The following DORIP1 variants were observed in gnomAD, a reference collection of about 807,000 sequenced individuals.
The protein encoded by DORIP1 is dopamine receptor interacting protein 1.
chr14:44,905,503 T>C, the DORIP1 span: 3 of 1,548,032 alleles, frequency 1.9e-6, no homozygotes, highest in Non-Finnish European at 2.6e-6. Context: ...ACCCCCAGAG[T>C]TTCTCCTCTT....
chr14:44,897,973 T>C, the DORIP1 span, among the ~76,000 whole-genome samples: 1 of 152,206 alleles, frequency 6.6e-6, no homozygotes, highest in African/African-American at 2.4e-5. Context: ...GCCTTGGGCA[T>C]GTGGTGGGGT....
chr14:44,899,186 T>C, the DORIP1 span: 3 of 152,236 alleles, frequency 2.0e-5, no homozygotes, highest in Admixed American at 6.5e-5. Flanking sequence ...GTATGTGCGC[T>C]ATATAACATA....
chr14:44,900,322 T>G, the DORIP1 span: 23 of 1,044,216 alleles, frequency 2.2e-5, no homozygotes, highest in Non-Finnish European at 2.9e-5. Context: ...GGAGGCCTAA[T>G]AACCACATTT....
chr14:44,899,151 GT>G, the DORIP1 span: 1 of 152,088 alleles, frequency 6.6e-6, no homozygotes, highest in Non-Finnish European at 1.5e-5. Flanking sequence ...CAATACAATT[GT>G]AAAAAGAACT....
At chr14:44,903,141 T>G in the DORIP1 span, 76 of 1,165,438 alleles carry the variant, frequency 6.5e-5, no homozygotes, top group Non-Finnish European at 8.3e-5. Context: ...GCTGTAAAAT[T>G]TGTTATAATA....
the DORIP1 span, chr14:44,904,345 G>T: frequency 1.9e-6 from 3 of 1,564,890 alleles, no homozygotes; most frequent in African/African-American, 4.1e-5. Flanking sequence ...AGTGTTGAAA[G>T]CCAGCTTTGT....
chr14:44,900,915 C>G, the DORIP1 span: 1 of 1,609,110 alleles, frequency 6.2e-7, no homozygotes, highest in Non-Finnish European at 8.5e-7. Flanking sequence ...ACTGGCGATG[C>G]CCAACTCGAG....
chr14:44,903,291 G>C, the DORIP1 span: 1 of 1,610,766 alleles, frequency 6.2e-7, no homozygotes, highest in Non-Finnish European at 8.5e-7. Flanking sequence ...TGTGTGAAGA[G>C]CATGGGTGAG....
chr14:44,905,316 A>G, the DORIP1 span: 24 of 1,217,026 alleles, frequency 2.0e-5, no homozygotes, highest in Non-Finnish European at 2.7e-5. Flanking sequence ...AGGAATGTTT[A>G]TCTTAACAAA....
At chr14:44,899,238 T>TA in the DORIP1 span, 3 of 152,212 alleles carry the variant, frequency 2.0e-5, no homozygotes, top group Admixed American at 1.3e-4. Context: ...ACTGTGGCTT[T>TA]AAAAACAAAG....
chr14:44,905,290 C>T, the DORIP1 span: 5 of 971,112 alleles, frequency 5.1e-6, no homozygotes, highest in African/African-American at 1.7e-5. Flanking sequence ...GTTTTTATTC[C>T]TTAGTTATGA....
chr14:44,905,241 G>C, the DORIP1 span: 1 of 568,666 alleles, frequency 1.8e-6, no homozygotes, highest in Non-Finnish European at 2.9e-6. Flanking sequence ...TATAGAGATG[G>C]ATATCTTTTT....
At chr14:44,905,737 T>C in the DORIP1 span, 3 of 370,052 alleles carry the variant, frequency 8.1e-6, no homozygotes, top group Non-Finnish European at 1.4e-5. Flanking sequence ...GTTTGTAATT[T>C]TTTTATATTT....
chr14:44,897,556 G>A, the DORIP1 span: 1 of 195,918 alleles, frequency 5.1e-6, no homozygotes, highest in East Asian at 1.7e-4. Flanking sequence ...GGCAGTTTTC[G>A]GTCCCCAGGG....
chr14:44,904,062 C>T, the DORIP1 span: 1 of 985,130 alleles, frequency 1.0e-6, no homozygotes, highest in Non-Finnish European at 1.2e-6. Context: ...TTTTTCCCCT[C>T]TCTGCCATTA....
At chr14:44,901,099 AT>A in the DORIP1 span, 1 of 791,302 alleles carries the variant, frequency 1.3e-6, no homozygotes, top group Non-Finnish European at 1.9e-6. Flanking sequence ...GATACTGTAT[AT>A]TTAGTATACC....
chr14:44,900,545 C>T, the DORIP1 span: 5 of 1,607,346 alleles, frequency 3.1e-6, no homozygotes, highest in African/African-American at 4.0e-5. Context: ...ACTATCAAAG[C>T]TGGCCGCAAA....
At chr14:44,906,713 T>G in the DORIP1 span, 1 of 152,578 alleles carries the variant, frequency 6.6e-6, no homozygotes, top group Non-Finnish European at 1.5e-5. Flanking sequence ...TCACTTCAGG[T>G]TTGGGATTGA....
At chr14:44,905,542 G>T in the DORIP1 span, 1 of 1,508,526 alleles carries the variant, frequency 6.6e-7, no homozygotes. Flanking sequence ...TCGAGCAACA[G>T]AGAAATAAAT....
Sources: allele counts gnomAD v4.1 joint callset (sites outside exome capture counted in the v4.1 genomes callset), GRCh38; gene constraint gnomAD v4.1.1; transcripts MANE v1.5; gene names NCBI Gene and HGNC (gene_info 2026-07-23, HGNC 2026-07-21).